Variants in PLCB1 observed in about 807,000 individuals in gnomAD.
PLCB1 encodes the protein phospholipase C beta 1.
Under a neutral mutation model 161.8 loss-of-function variants are expected in PLCB1, and 46 were observed. That is an observed-to-expected ratio of 0.28 (90% CI 0.22 to 0.36). PLCB1 has a LOEUF of 0.36. PLCB1 is among the 10% of genes least tolerant of loss of function. The pLI, the probability that PLCB1 is intolerant of heterozygous loss-of-function variation, is 1.00. For synonymous variants in PLCB1, 517 were observed against 503.7 expected (o/e 1.03, Z -0.35); for missense variants, 1,016 against 1,472.5 (o/e 0.69, Z 5.07).
intron 3 of PLCB1, among the ~76,000 whole-genome samples, chr20:8,383,434 A>G (rs926246805): frequency 6.6e-6 from 1 of 152,220 alleles, no homozygotes; most frequent in Non-Finnish European, 1.5e-5. Flanking sequence ...GTGTCTTTGC[A>G]TGTGAGATGG....
intron 2 of PLCB1, among the ~76,000 whole-genome samples, chr20:8,341,604 A>G (rs1282373655): frequency 6.6e-6 from 1 of 152,138 alleles, no homozygotes; most frequent in Non-Finnish European, 1.5e-5. Flanking sequence ...CCCAGTCCCA[A>G]GCGATCCTAA....
intron 9 of PLCB1, among the ~76,000 whole-genome samples, chr20:8,663,646 A>G (rs1714695015): frequency 6.6e-6 from 1 of 152,160 alleles, no homozygotes; most frequent in Non-Finnish European, 1.5e-5. Flanking sequence ...TGGGTCATGT[A>G]TGTGGGTTCC....
intron 2 of PLCB1, among the ~76,000 whole-genome samples, chr20:8,269,478 G>A (rs1982165155): frequency 6.6e-6 from 1 of 152,118 alleles, no homozygotes; most frequent in Admixed American, 6.6e-5. Context: ...AGTTTCAAGG[G>A]CTACAGATAT....
intron 2 of PLCB1, among the ~76,000 whole-genome samples, chr20:8,358,318 G>C (rs867147881): frequency 6.6e-6 from 1 of 152,016 alleles, no homozygotes; most frequent in East Asian, 1.9e-4. Context: ...GCATGATCTC[G>C]GCTCATTGCA....
At chr20:8,409,545 C>T (rs1412792591) in intron 3 of PLCB1, among the ~76,000 whole-genome samples, 1 of 151,944 alleles carries the variant, frequency 6.6e-6, no homozygotes, top group Non-Finnish European at 1.5e-5. Flanking sequence ...TCACTGCAAC[C>T]TCTGCCTCCC....
rs148221733 is a variant in PLCB1 at position 8,544,158 on chromosome 20, C to T, written c.247-84136C>T. Among the ~76,000 whole-genome samples the T allele has an allele frequency of 1.5e-3, 235 of 152,098 alleles. 5 individuals carry two copies. Among genetic ancestry groups the T allele is most frequent in the Admixed American group, 0.012 (185 of 15,278 alleles). On this transcript the variant is annotated intron_variant, in intron 3 of 31. Coordinates refer to ENST00000338037, the MANE Select transcript of PLCB1 (RefSeq NM_015192.4). ...CTGTAACAAACCTGCAGATGTACCTCGGGTTCTAAAGTAAAAGTTGAAAAT... is the reference window on the plus strand; with the variant it reads ...CTGTAACAAACCTGCAGATGTACCTTGGGTTCTAAAGTAAAAGTTGAAAAT...
intron 15 of PLCB1, among the ~76,000 whole-genome samples, chr20:8,722,903 C>T (rs1717467891): frequency 6.6e-6 from 1 of 152,068 alleles, no homozygotes; most frequent in Non-Finnish European, 1.5e-5. Flanking sequence ...CCTGTAGTTC[C>T]AGCTACTAGG....
intron 31 of PLCB1, among the ~76,000 whole-genome samples, chr20:8,881,356 T>TGA: frequency 6.8e-6 from 1 of 147,896 alleles, no homozygotes; most frequent in Non-Finnish European, 1.5e-5. Flanking sequence ...TGTGTGTGTG[T>TGA]GTGCATTTGT....
At chr20:8,763,955 G>A (rs1982177939) in intron 25 of PLCB1, among the ~76,000 whole-genome samples, 1 of 152,022 alleles carries the variant, frequency 6.6e-6, no homozygotes, top group Non-Finnish European at 1.5e-5. Context: ...ACTTGAGGCT[G>A]GGAGTTTGAG....
intron 3 of PLCB1, among the ~76,000 whole-genome samples, chr20:8,620,020 G>T (rs1169947818): frequency 6.6e-6 from 1 of 152,102 alleles, no homozygotes; most frequent in Non-Finnish European, 1.5e-5. Flanking sequence ...CATTTAACTA[G>T]CTTTGAAAAT....
intron 10 of PLCB1, among the ~76,000 whole-genome samples, chr20:8,695,304 C>T (rs1470596011): frequency 6.6e-6 from 1 of 152,162 alleles, no homozygotes; most frequent in East Asian, 1.9e-4. Flanking sequence ...TAGGCTTAAT[C>T]CCATTTTCTT....
At chr20:8,572,836 C>T (rs907649123) in intron 3 of PLCB1, among the ~76,000 whole-genome samples, 1 of 152,116 alleles carries the variant, frequency 6.6e-6, no homozygotes, top group Non-Finnish European at 1.5e-5. Context: ...ATGAAGCTGG[C>T]CCTGCATTCA....
At chr20:8,371,335 G>A (rs763650472) in intron 2 of PLCB1, 47 bp from the exon 3 acceptor site, 2 of 1,300,508 alleles carry the variant, frequency 1.5e-6, no homozygotes, top group Non-Finnish European at 2.2e-6. Flanking sequence ...AAACAAAGAG[G>A]AAAGGTCTGT....
chr20:8,816,033 G>A (rs1311026667), intron 31 of PLCB1, among the ~76,000 whole-genome samples: 1 of 152,144 alleles, frequency 6.6e-6, no homozygotes, highest in Non-Finnish European at 1.5e-5. Flanking sequence ...GAAGAGAAAA[G>A]TAAAACAGTG....
chr20:8,149,829 G>A (rs2051491549), intron 1 of PLCB1, among the ~76,000 whole-genome samples: 1 of 152,064 alleles, frequency 6.6e-6, no homozygotes, highest in Non-Finnish European at 1.5e-5. Context: ...ATATGTAGAA[G>A]ATGGCCTTAT....
chr20:8,479,674 T>C (rs748882843), intron 3 of PLCB1, among the ~76,000 whole-genome samples: 18 of 152,148 alleles, frequency 1.2e-4, no homozygotes, highest in Admixed American at 4.6e-4. Flanking sequence ...GTAAGTGGAG[T>C]TGACAATCTA....
intron 31 of PLCB1, among the ~76,000 whole-genome samples, chr20:8,876,106 C>T (rs1987771628): frequency 6.6e-6 from 1 of 152,218 alleles, no homozygotes; most frequent in African/African-American, 2.4e-5. Flanking sequence ...GACTAGTGGG[C>T]AATGTCTTTT....
intron 27 of PLCB1, among the ~76,000 whole-genome samples, chr20:8,788,090 G>A (rs926563142): frequency 6.6e-6 from 1 of 152,234 alleles, no homozygotes; most frequent in Non-Finnish European, 1.5e-5. Flanking sequence ...TTCTGAAAAT[G>A]TAGGGTCTTG....
intron 3 of PLCB1, among the ~76,000 whole-genome samples, chr20:8,563,616 T>A (rs1986222969): frequency 6.6e-6 from 1 of 152,106 alleles, no homozygotes; most frequent in Non-Finnish European, 1.5e-5. Flanking sequence ...CAGCCCCAAA[T>A]CTTCTTAAGC....
Sources: allele counts gnomAD v4.1 joint callset (sites outside exome capture counted in the v4.1 genomes callset), GRCh38; gene constraint gnomAD v4.1.1; transcripts MANE v1.5; gene names NCBI Gene and HGNC (gene_info 2026-07-23, HGNC 2026-07-21).